The following C14orf132 variants were observed in gnomAD, a reference collection of about 807,000 sequenced individuals.
C14orf132 encodes the protein uncharacterized protein C14orf132.
C14orf132 carries 6 observed loss-of-function variants against 5.8 expected under a neutral mutation model. The ratio of observed to expected loss-of-function variants is 1.03; its 90% CI spans 0.57 to 2.04. The LOEUF (loss-of-function observed/expected upper bound fraction) is 2.04. C14orf132 is among the 30% of genes most tolerant of loss of function. C14orf132 has a pLI of 0.00. For synonymous variants in C14orf132, 51 were observed against 49.8 expected (o/e 1.02, Z -0.10); for missense variants, 125 against 115.8 (o/e 1.08, Z -0.37).
In C14orf132 at chr14:96,090,213, G is replaced by A. The variant is rs556858585; in HGVS notation, c.*3478G>A. On this transcript the variant is annotated 3_prime_UTR_variant, in exon 2 of 2. Coordinates refer to ENST00000555004, the MANE Select transcript of C14orf132 (RefSeq NM_001252507.3). ...TCAAGACCAGCCTGGCCAACATGGT[G>A]AAACCCTGTCTCTACAAAAAATACA... is the stretch of plus-strand genomic sequence containing the variant. 1.2e-4 allele frequency: 21 copies of A among 169,272 alleles called. No homozygotes were observed. In the East Asian group the frequency reaches 3.5e-3, roughly 28 times the overall value. The allele number at this position is 169,272 out of a possible 1,614,324, so 10.5% of individuals were successfully genotyped here. A position where few individuals can be genotyped will look rare whatever the true frequency, so the allele number is the denominator to read the frequency against.
intron 1 of C14orf132, among the ~76,000 whole-genome samples, chr14:96,044,140 C>CGGTT (rs1566821847): frequency 6.6e-6 from 1 of 152,128 alleles, no homozygotes. Flanking sequence ...TCCATCCAGG[C>CGGTT]GGTTGTGTTT....
intron 1 of C14orf132, among the ~76,000 whole-genome samples, chr14:96,053,784 T>G (rs1471320260): frequency 6.6e-6 from 1 of 152,130 alleles, no homozygotes; most frequent in Non-Finnish European, 1.5e-5. Flanking sequence ...AGCAGCCCAC[T>G]GTGGGAGGAG....
At chr14:96,040,423 G>C (rs1443142039) in intron 1 of C14orf132, 1 of 396,462 alleles carries the variant, frequency 2.5e-6, no homozygotes, top group Non-Finnish European at 4.4e-6. Flanking sequence ...GTGTTGGTTG[G>C]TTATGGTGGG....
At position 96,088,781 on chromosome 14, in the gene C14orf132, C is replaced by T. The variant is rs547925587; in HGVS notation, c.*2046C>T. The stretch of plus-strand genomic sequence containing the variant: ...CCAAATGGCCCATGGAGATGGCAGT[C>T]GGGAGACAGGGTTCTGTGTTTGCTG... On this transcript the variant is annotated 3_prime_UTR_variant, in exon 2 of 2. Transcript: ENST00000555004. 83 of 152,408 alleles carry T rather than the reference C, an allele frequency of 5.4e-4. No homozygotes were observed. The highest frequency in any genetic ancestry group is 9.7e-4 in the Non-Finnish European group (66 of 68,112). 9.4% of individuals were successfully genotyped at this position (152,408 alleles called of 1,614,324 possible).
chr14:96,042,253 C>T (rs1402605880), intron 1 of C14orf132, among the ~76,000 whole-genome samples: 3 of 152,134 alleles, frequency 2.0e-5, no homozygotes, highest in Non-Finnish European at 1.5e-5. Flanking sequence ...GGATGGGGTG[C>T]AGGAGGGCTG....
chr14:96,078,800 G>A (rs1240810300), intron 1 of C14orf132, among the ~76,000 whole-genome samples: 3 of 152,194 alleles, frequency 2.0e-5, no homozygotes, highest in Admixed American at 2.0e-4. Context: ...GCCCGCCCCA[G>A]CTCAGGAGGC....
At chr14:96,086,449 T>G (rs960480830) in intron 1 of C14orf132, 62 bp from the exon 2 acceptor site, 45 of 1,457,964 alleles carry the variant, frequency 3.1e-5, no homozygotes, top group Non-Finnish European at 3.9e-5. Context: ...ACTTCCCTTT[T>G]GCAGGGTACA....
rs374416151 is a variant in C14orf132 at position 96,090,728 on chromosome 14, G to A, written c.*3993G>A. 25 of 456,048 alleles carry A rather than the reference G, an allele frequency of 5.5e-5. No homozygotes were observed. Among genetic ancestry groups the A allele is most frequent in the African/African-American group, 3.4e-4 (17 of 50,184 alleles). 28.3% of individuals were successfully genotyped at this position (456,048 alleles called of 1,614,324 possible). A position where few individuals can be genotyped will look rare whatever the true frequency, so the allele number is the denominator to read the frequency against. ...ATGGGAGGAGGGGCAGCAGCATTTC[G>A]CTGGAAAGGCAGCAGATGCTTTTCC... On this transcript the variant is annotated 3_prime_UTR_variant, in exon 2 of 2. Transcript: ENST00000555004.
chr14:96,083,717 C>T (rs918986706), intron 1 of C14orf132, among the ~76,000 whole-genome samples: 2 of 152,246 alleles, frequency 1.3e-5, no homozygotes. Context: ...TCTGCCAACA[C>T]TTCGATTTTA....
chr14:96,049,507 CGTAT>C (rs1257939292), intron 1 of C14orf132, among the ~76,000 whole-genome samples: 3 of 140,612 alleles, frequency 2.1e-5, no homozygotes, highest in Non-Finnish European at 4.6e-5. Flanking sequence ...CGTATATATA[CGTAT>C]ATACGTATAT....
At chr14:96,057,300 G>T (rs1428055854) in intron 1 of C14orf132, among the ~76,000 whole-genome samples, 1 of 152,180 alleles carries the variant, frequency 6.6e-6, no homozygotes, top group Non-Finnish European at 1.5e-5. Context: ...ACTCCAGAGG[G>T]TGCAGCAGCA....
intron 1 of C14orf132, 86 bp from the exon 2 acceptor site, chr14:96,086,422 GGTT>G: frequency 8.6e-7 from 1 of 1,161,658 alleles, no homozygotes; most frequent in Non-Finnish European, 1.2e-6. Flanking sequence ...CTTCATGTGG[GGTT>G]GTTTGACCAG....
chr14:96,044,418 G>A (rs1325000079), intron 1 of C14orf132, among the ~76,000 whole-genome samples: 4 of 152,180 alleles, frequency 2.6e-5, no homozygotes, highest in South Asian at 2.1e-4. Flanking sequence ...GGGCTCAAGC[G>A]ATCCTCCTGC....
At chr14:96,069,002 C>G (rs1887616920) in intron 1 of C14orf132, among the ~76,000 whole-genome samples, 1 of 151,806 alleles carries the variant, frequency 6.6e-6, no homozygotes, top group Non-Finnish European at 1.5e-5. Context: ...TGGTCTTCTG[C>G]TCTCGGATTG....
At chr14:96,080,650 G>T (rs927801208) in intron 1 of C14orf132, among the ~76,000 whole-genome samples, 4 of 152,168 alleles carry the variant, frequency 2.6e-5, no homozygotes, top group Non-Finnish European at 5.9e-5. Context: ...GTAGGAACAG[G>T]TGGAGGCCTA....
chr14:96,070,598 ACACACAC>A (rs1887680071), intron 1 of C14orf132, among the ~76,000 whole-genome samples: 2 of 112,824 alleles, frequency 1.8e-5, no homozygotes, highest in South Asian at 6.2e-4. Context: ...TCTCTCTCTC[ACACACAC>A]ACACACACAC....
chr14:96,090,648 C>G lies in C14orf132; in HGVS notation c.*3913C>G. The G allele has an allele frequency of 2.2e-6, 1 of 456,062 alleles. No homozygotes were observed. The highest frequency in any genetic ancestry group is 1.5e-5 in the South Asian group (1 of 64,558). The allele number at this position is 456,062 out of a possible 1,614,324, so 28.3% of individuals were successfully genotyped here. A position where few individuals can be genotyped will look rare whatever the true frequency, so the allele number is the denominator to read the frequency against. ...AGACTCCCTGCTCCACTCTACCCCC[C>G]AGAGAGAAATGATTCTCGCTCCTTT... On this transcript the variant is annotated 3_prime_UTR_variant, in exon 2 of 2. Coordinates refer to ENST00000555004, the MANE Select transcript of C14orf132 (RefSeq NM_001252507.3).
At position 96,086,841 on chromosome 14, in the gene C14orf132, G is replaced by T; in HGVS notation, c.*106G>T. ...TTCTAGAACCAGGAGTTTTGACCAG[G>T]GGCGGCGGCCGTCCTTCTGGAATTT... On this transcript the variant is annotated 3_prime_UTR_variant, in exon 2 of 2. Transcript: ENST00000555004. 8.8e-7 allele frequency: 1 copy of T among 1,141,090 alleles called. No individual in the cohort carries two copies. The highest frequency in any genetic ancestry group is 1.6e-5 in the South Asian group (1 of 64,094). 70.7% of individuals were successfully genotyped at this position (1,141,090 alleles called of 1,614,324 possible).
chr14:96,062,469 C>G (rs2085760152), intron 1 of C14orf132, among the ~76,000 whole-genome samples: 1 of 152,182 alleles, frequency 6.6e-6, no homozygotes. Flanking sequence ...TCTACTTTCT[C>G]TCTCCCCTGC....
Sources: gnomAD v4.1 joint callset for allele counts (sites outside exome capture counted in the v4.1 genomes callset) on GRCh38, gnomAD v4.1.1 for gene constraint, MANE v1.5 for transcripts, NCBI Gene and HGNC (gene_info 2026-07-23, HGNC 2026-07-21) for gene names.